PCDHGA4: variants seen among roughly 807,000 people sequenced by gnomAD.
PCDHGA4 encodes the protein protocadherin gamma subfamily A, 4.
A neutral mutation model predicts 54.6 loss-of-function variants in PCDHGA4; 38 were observed. That is an observed-to-expected ratio of 0.70 (90% CI 0.54 to 0.91). PCDHGA4 has a LOEUF of 0.91. Among genes scored for constraint, PCDHGA4 ranks in the 40% least tolerant of loss-of-function variants. The probability of loss-of-function intolerance (pLI) is 0.00; values close to 1 mark genes in which losing one functional copy is unlikely to be tolerated. For missense variants in PCDHGA4, 1,298 were observed against 1,220.9 expected (o/e 1.06, Z -0.94); for synonymous variants, 511 against 512.9 (o/e 1.00, Z 0.05).
chr5:141,487,818 G>T lies in PCDHGA4; in HGVS notation c.2515-6989G>T, dbSNP rs1009237001. The T allele has an allele frequency of 1.2e-5, 16 of 1,331,602 alleles. No homozygotes were observed. Among genetic ancestry groups the T allele is most frequent in the Non-Finnish European group, 1.4e-5 (14 of 970,528 alleles). The allele number at this position is 1,331,602 out of a possible 1,614,324, so 82.5% of individuals were successfully genotyped here. On this transcript the variant is annotated intron_variant, in intron 1 of 3. Transcript: ENST00000571252. This position sits in a 1 kb window ranked among gnomAD's most constrained non-coding sequence, Gnocchi z 5.0. Reference sequence around the variant, plus strand: ...GAGTTGTCACAGTTTAGCATTGGGGGCGGGTCATGCCTATATCTGAGTAAG... The same window carrying T: ...GAGTTGTCACAGTTTAGCATTGGGGTCGGGTCATGCCTATATCTGAGTAAG...
Position 141,489,999 on chromosome 5 carries a change from GA to G in PCDHGA4, c.2515-4806del. On this transcript the variant is annotated intron_variant, in intron 1 of 3. Transcript: ENST00000571252. The surrounding 1 kb of genome is among the most constrained non-coding windows in gnomAD (Gnocchi z 4.5). ...CAGTTCTACGTGTGGGAATCCCAGA[GA>G]ATGCACCCATTGGTACTCTGCTGCT... 1 of 1,614,242 alleles carries G rather than the reference GA, an allele frequency of 6.2e-7. No individual in the cohort carries two copies. Among genetic ancestry groups the G allele is most frequent in the Non-Finnish European group, 8.5e-7 (1 of 1,180,032 alleles).
intron 1 of PCDHGA4, chr5:141,365,288 G>A (rs1293975471): frequency 6.2e-7 from 1 of 1,613,960 alleles, no homozygotes; most frequent in Non-Finnish European, 8.5e-7. Context: ...CATGGAAGTG[G>A]TAGCTCAGGA....
intron 1 of PCDHGA4, among the ~76,000 whole-genome samples, chr5:141,464,094 G>A (rs540562188): frequency 7.4e-4 from 112 of 151,988 alleles, no homozygotes; most frequent in Non-Finnish European, 1.1e-3. Context: ...GTGAAACTCC[G>A]TCTCTACTAA....
chr5:141,462,792 G>C (rs2099046915), intron 1 of PCDHGA4, among the ~76,000 whole-genome samples: 1 of 152,080 alleles, frequency 6.6e-6, no homozygotes, highest in Admixed American at 6.6e-5. Flanking sequence ...TTGCTTATTT[G>C]CATGTCTAAT....
At chr5:141,410,078 G>A (rs1258292051) in intron 1 of PCDHGA4, 1 of 1,612,820 alleles carries the variant, frequency 6.2e-7, no homozygotes, top group Non-Finnish European at 8.5e-7. Flanking sequence ...CACTGGGGAG[G>A]TGCGCACGGC....
At position 141,356,773 on chromosome 5, in the gene PCDHGA4, T is replaced by C; in HGVS notation, c.1666T>C (p.Phe556Leu). 6.2e-7 allele frequency: 1 copy of C among 1,613,940 alleles called. No homozygotes were observed. Among genetic ancestry groups the C allele is most frequent in the Non-Finnish European group, 8.5e-7 (1 of 1,179,828 alleles). The change falls in exon 1 of 4, where the codon TTT becomes CTT. Residue 556 changes from phenylalanine (F) to leucine (L), a missense_variant. Phe to Leu is a conservative substitution (Grantham distance 22). Coordinates refer to ENST00000571252, the MANE Select transcript of PCDHGA4 (RefSeq NM_018917.4). ...YALCSFDYEQ[F>L]RDLQLLMTAS... ...TCTTTGCTCCTTCGACTATGAGCAG[T>C]TTAGAGACCTGCAGCTGCTGATGAC...
At position 141,486,134 on chromosome 5, in the gene PCDHGA4, C is replaced by T; in HGVS notation, c.2515-8673C>T. 6.2e-7 allele frequency: 1 copy of T among 1,614,168 alleles called. No homozygotes were observed. ...TGAGAATTACTATGAATTTGATGTG[C>T]GGGCTCGCGATGGGGGTTCTCCAGC... On this transcript the variant is annotated intron_variant, in intron 1 of 3. Coordinates refer to ENST00000571252, the MANE Select transcript of PCDHGA4 (RefSeq NM_018917.4). The surrounding 1 kb of genome is among the most constrained non-coding windows in gnomAD (Gnocchi z 5.0).
chr5:141,421,931 A>T, intron 1 of PCDHGA4: 1 of 1,613,556 alleles, frequency 6.2e-7, no homozygotes, highest in East Asian at 2.2e-5. Context: ...GTGGTCCTCG[A>T]TGTAAATGAT....
rs765661515 is a variant in PCDHGA4 at position 141,398,665 on chromosome 5, T to C, written c.2514+41044T>C. The stretch of plus-strand genomic sequence containing the variant: ...ACTCTCTCTTAACCCAAGTTTCTCA[T>C]TAATAATTAAGGAGAAACAGGATGG... On this transcript the variant is annotated intron_variant, in intron 1 of 3. Transcript: ENST00000571252. 1.9e-6 allele frequency: 3 copies of C among 1,614,002 alleles called. No homozygotes were observed. In the South Asian group the frequency reaches 3.3e-5, roughly 18 times the overall value.
chr5:141,408,430 C>T, intron 1 of PCDHGA4: 2 of 1,614,012 alleles, frequency 1.2e-6, no homozygotes, highest in South Asian at 1.1e-5. Context: ...TGCACTTCAG[C>T]GTAGACGCGG....
intron 1 of PCDHGA4, chr5:141,360,677 C>T: frequency 1.2e-6 from 2 of 1,613,980 alleles, no homozygotes; most frequent in South Asian, 1.1e-5. Flanking sequence ...TTTGATCTCG[C>T]TGAGAAACAG....
Position 141,393,014 on chromosome 5 carries a change from C to T in PCDHGA4, c.2514+35393C>T, listed in dbSNP as rs761990025. The T allele has an allele frequency of 1.9e-6, 3 of 1,613,736 alleles. No homozygotes were observed. The African/African-American group carries it at 4.0e-5, about 22-fold the overall frequency. On this transcript the variant is annotated intron_variant, in intron 1 of 3. Transcript: ENST00000571252. ...TGGCGAAGCACGGAGTCCGTATCGT[C>T]TCCAGAGGTAGGACGCAGCTCTTTG... is the stretch of plus-strand genomic sequence containing the variant.
At chr5:141,365,727 C>A (rs2149880807) in intron 1 of PCDHGA4, 1 of 1,613,786 alleles carries the variant, frequency 6.2e-7, no homozygotes, top group Non-Finnish European at 8.5e-7. Flanking sequence ...GAAAACAATC[C>A]CAGAGGTGTC....
chr5:141,370,689 A>G (rs1275146563), intron 1 of PCDHGA4: 1 of 1,613,814 alleles, frequency 6.2e-7, no homozygotes, highest in East Asian at 2.2e-5. Context: ...TTGTGGCAAG[A>G]AGTCGACGTG....
Position 141,487,171 on chromosome 5 carries a change from G to C in PCDHGA4, c.2515-7636G>C. ...CTGTTACTCTCTTAGTGTCCTTAGA[G>C]GAAGACACTCATCCAGTTGTCCCAG... On this transcript the variant is annotated intron_variant, in intron 1 of 3. Transcript: ENST00000571252. The surrounding 1 kb of genome is among the most constrained non-coding windows in gnomAD (Gnocchi z 5.0). 1 of 1,612,938 alleles carries C rather than the reference G, an allele frequency of 6.2e-7. No individual in the cohort carries two copies. Among genetic ancestry groups the C allele is most frequent in the Non-Finnish European group, 8.5e-7 (1 of 1,178,910 alleles).
At chr5:141,393,709 G>A (rs941272065) in intron 1 of PCDHGA4, 14 of 1,613,826 alleles carry the variant, frequency 8.7e-6, no homozygotes, top group Non-Finnish European at 9.3e-6. Context: ...GAAAATACTG[G>A]GGAAATATCA....
rs774649069 is a variant in PCDHGA4 at position 141,477,417 on chromosome 5, C to G, written c.2515-17390C>G. The G allele has an allele frequency of 1.2e-6, 2 of 1,614,172 alleles. No individual in the cohort carries two copies. The highest frequency in any genetic ancestry group is 2.7e-5 in the African/African-American group (2 of 75,032). On this transcript the variant is annotated intron_variant, in intron 1 of 3. Coordinates refer to ENST00000571252, the MANE Select transcript of PCDHGA4 (RefSeq NM_018917.4). The surrounding 1 kb of genome is among the most constrained non-coding windows in gnomAD (Gnocchi z 4.9). Reference sequence around the variant, plus strand: ...AGCATCACCGCCCGAGACGCCGGAACCCCTTCCCTCTCAGCCCTTACAATA... The same window carrying G: ...AGCATCACCGCCCGAGACGCCGGAAGCCCTTCCCTCTCAGCCCTTACAATA...
At chr5:141,500,721 ATG>A (rs1209024560) in intron 2 of PCDHGA4, among the ~76,000 whole-genome samples, 1 of 152,088 alleles carries the variant, frequency 6.6e-6, no homozygotes, top group African/African-American at 2.4e-5. Context: ...GAATTTCCCC[ATG>A]TCTTTCAAAA....
rs113341686 is a variant in PCDHGA4, at chr5:141,488,763, G to A, written c.2515-6044G>A. Among the ~76,000 whole-genome samples the A allele has an allele frequency of 6.6e-4, 101 of 152,264 alleles. 1 individual carries two copies. The highest frequency in any genetic ancestry group is 1.7e-3 in the African/African-American group (69 of 41,544). ...ATGCAGGAAGTTGCTGGGACAGAACGCTGAGGAGTTTTGTATCACTTTGTC... is the reference window on the plus strand; with the variant it reads ...ATGCAGGAAGTTGCTGGGACAGAACACTGAGGAGTTTTGTATCACTTTGTC... On this transcript the variant is annotated intron_variant, in intron 1 of 3. Coordinates refer to ENST00000571252, the MANE Select transcript of PCDHGA4 (RefSeq NM_018917.4).
Sources: gnomAD v4.1 joint callset for allele counts (sites outside exome capture counted in the v4.1 genomes callset) on GRCh38, gnomAD v4.1.1 for gene constraint, Gnocchi (gnomAD v3.1) non-coding constraint, MANE v1.5 for transcripts, NCBI Gene and HGNC (gene_info 2026-07-23, HGNC 2026-07-21) for gene names.